The following SPEF2 variants were observed in gnomAD, a reference collection of about 807,000 sequenced individuals.
SPEF2 encodes sperm flagellar and cilia associated 2.
Under a neutral mutation model 224.6 loss-of-function variants are expected in SPEF2, and 187 were observed. The ratio of observed to expected loss-of-function variants is 0.83; its 90% confidence interval spans 0.74 to 0.94. The LOEUF is 0.94. SPEF2 is among the 40% of genes least tolerant of loss of function. SPEF2 has a pLI of 0.00. For synonymous variants in SPEF2, 715 were observed against 707.3 expected (o/e 1.01, Z -0.17); for missense variants, 2,170 against 2,135.6 (o/e 1.02, Z -0.32).
intron 16 of SPEF2, among the ~76,000 whole-genome samples, chr5:35,701,689 T>G (rs1442805378): frequency 6.6e-6 from 1 of 152,164 alleles, no homozygotes; most frequent in Non-Finnish European, 1.5e-5. Context: ...ATGATTCGTG[T>G]TCTTAGAAAT....
intron 2 of SPEF2, among the ~76,000 whole-genome samples, chr5:35,629,688 C>T (rs946958650): frequency 2.0e-5 from 3 of 152,152 alleles, no homozygotes; most frequent in Admixed American, 6.5e-5. Context: ...AGTATCTTCA[C>T]AACCATCGCC....
At chr5:35,784,952 G>T (rs878989799) in intron 30 of SPEF2, among the ~76,000 whole-genome samples, 1 of 152,322 alleles carries the variant, frequency 6.6e-6, no homozygotes, top group Admixed American at 6.5e-5. Context: ...TTGCCTGAAA[G>T]GAGTAACTAG....
intron 2 of SPEF2, among the ~76,000 whole-genome samples, chr5:35,634,634 A>G (rs1027796578): frequency 2.0e-5 from 3 of 151,992 alleles, no homozygotes; most frequent in Admixed American, 1.3e-4. Context: ...AATTATGTGT[A>G]TATTGGTATG....
chr5:35,776,439 T>G, intron 29 of SPEF2, 44 bp downstream of exon 29: 2 of 1,547,426 alleles, frequency 1.3e-6, no homozygotes, highest in African/African-American at 2.8e-5. Flanking sequence ...TTGTGTATTC[T>G]AAGTACCAAA....
At chr5:35,814,402 T>C (rs1758713758) in intron 36 of SPEF2, 62 bp from the exon 37 acceptor site, 1 of 872,762 alleles carries the variant, frequency 1.1e-6, no homozygotes, top group South Asian at 2.0e-5. Context: ...AGTATTTGTA[T>C]AGTATAGTAT....
At chr5:35,672,772 T>C (rs983082707) in intron 10 of SPEF2, among the ~76,000 whole-genome samples, 1 of 152,180 alleles carries the variant, frequency 6.6e-6, no homozygotes, top group Admixed American at 6.5e-5. Context: ...TTTATATTCT[T>C]AGCATACTTA....
In SPEF2 at chr5:35,659,008, G is replaced by T. The variant is rs987957138; in HGVS notation, c.979-11G>T. On this transcript the variant is annotated splice_polypyrimidine_tract_variant and intron_variant, in intron 7 of 36. Transcript: ENST00000356031. ...CGTCACTTTAACAAATAATTCCCCTGGTGTTTTCAGGAGGCTTATCGGGAG... is the reference window on the plus strand; with the variant it reads ...CGTCACTTTAACAAATAATTCCCCTTGTGTTTTCAGGAGGCTTATCGGGAG... The T allele has an allele frequency of 1.3e-6, 2 of 1,523,334 alleles. No homozygotes were observed. Among genetic ancestry groups the T allele is most frequent in the Middle Eastern group, 1.8e-4 (1 of 5,604 alleles). 94.4% of individuals were successfully genotyped at this position (1,523,334 alleles called of 1,614,324 possible).
At position 35,691,155 on chromosome 5, in the gene SPEF2, C is replaced by T. The variant is rs766203832; in HGVS notation, c.1643C>T (p.Ala548Val). Residue 548 changes from alanine (A) to valine (V), a missense_variant, in exon 11 of 37, where the codon GCG (alanine) becomes GTG (valine). By Grantham distance (64) the Ala-to-Val change is moderately conservative. Coordinates refer to ENST00000356031, the MANE Select transcript of SPEF2 (RefSeq NM_024867.4). ...GCTGAAAAATCTCTTCCTCCTCGAG[C>T]GGAATCAACAACACCTGAATTACCT... ...RLAEKSLPPR[A>V]ESTTPELPSF... 13 of 1,613,872 alleles carry T rather than the reference C, an allele frequency of 8.1e-6. No individual in the cohort carries two copies. The highest frequency in any genetic ancestry group is 2.2e-5 in the South Asian group (2 of 91,082).
intron 9 of SPEF2, among the ~76,000 whole-genome samples, chr5:35,668,830 G>A (rs1362640992): frequency 6.6e-6 from 1 of 151,940 alleles, no homozygotes; most frequent in African/African-American, 2.4e-5. Flanking sequence ...TTAGTGGGTT[G>A]CAATCATGAA....
At chr5:35,728,186 T>C (rs961828752) in intron 21 of SPEF2, among the ~76,000 whole-genome samples, 1 of 152,190 alleles carries the variant, frequency 6.6e-6, no homozygotes. Context: ...CCCATCACAA[T>C]GCTTTTAAGT....
chr5:35,635,597 A>G (rs1183402796), intron 2 of SPEF2, among the ~76,000 whole-genome samples: 2 of 152,208 alleles, frequency 1.3e-5, no homozygotes, highest in Non-Finnish European at 2.9e-5. Context: ...CCTAGAAAAC[A>G]TAGCATTCCT....
intron 28 of SPEF2, among the ~76,000 whole-genome samples, chr5:35,774,410 T>G (rs534117034): frequency 6.6e-6 from 1 of 152,288 alleles, no homozygotes; most frequent in Non-Finnish European, 1.5e-5. Context: ...GGTTTTATAT[T>G]ACAGTAAGAA....
intron 19 of SPEF2, 97 bp downstream of exon 19, chr5:35,709,218 C>T: frequency 6.5e-7 from 1 of 1,540,548 alleles, no homozygotes; most frequent in Admixed American, 2.3e-5. Context: ...AGACTTTGGG[C>T]AACTTCAATC....
intron 12 of SPEF2, among the ~76,000 whole-genome samples, chr5:35,693,487 A>G (rs977651804): frequency 6.6e-6 from 1 of 152,114 alleles, no homozygotes. Context: ...TCAATATTGC[A>G]TCTCTTTTCA....
chr5:35,687,307 G>T (rs1753763465), intron 10 of SPEF2, among the ~76,000 whole-genome samples: 1 of 151,818 alleles, frequency 6.6e-6, no homozygotes, highest in Non-Finnish European at 1.5e-5. Flanking sequence ...CTATATTTTT[G>T]CACAGTGAAT....
intron 10 of SPEF2, among the ~76,000 whole-genome samples, chr5:35,682,654 G>A (rs1206483734): frequency 6.6e-6 from 1 of 152,188 alleles, no homozygotes; most frequent in Non-Finnish European, 1.5e-5. Flanking sequence ...TCTCTGCTAA[G>A]TATTATTGGT....
At chr5:35,695,585 G>A (rs1755191757) in intron 13 of SPEF2, 150 bp from the exon 14 acceptor site, 1 of 576,588 alleles carries the variant, frequency 1.7e-6, no homozygotes, top group Non-Finnish European at 3.1e-6. Flanking sequence ...AAGCTATGCT[G>A]TGGTGATTCT....
At chr5:35,712,362 C>T (rs1016782549) in intron 19 of SPEF2, among the ~76,000 whole-genome samples, 2 of 152,036 alleles carry the variant, frequency 1.3e-5, no homozygotes, top group African/African-American at 4.8e-5. Flanking sequence ...CATCAATAGC[C>T]GGGACTACAG....
At chr5:35,734,768 C>G (rs573350974) in intron 21 of SPEF2, among the ~76,000 whole-genome samples, 2 of 137,236 alleles carry the variant, frequency 1.5e-5, no homozygotes. Flanking sequence ...CTGGAGTACA[C>G]TGCTGCAATC....
Sources: gnomAD v4.1 joint callset for allele counts (sites outside exome capture counted in the v4.1 genomes callset) on GRCh38, gnomAD v4.1.1 for gene constraint, MANE v1.5 for transcripts, NCBI Gene and HGNC (gene_info 2026-07-23, HGNC 2026-07-21) for gene names.